The following EGFR variants were observed in gnomAD, a reference collection of about 807,000 sequenced individuals.
EGFR encodes epidermal growth factor receptor.
EGFR carries 58 observed loss-of-function variants against 143.0 expected under a neutral mutation model. The observed-to-expected ratio is 0.41, with a 90% CI of 0.33 to 0.50. The LOEUF is 0.50. Among genes scored for constraint, EGFR ranks in the 20% least tolerant of loss-of-function variants. The probability of loss-of-function intolerance (pLI) is 0.39; values close to 1 mark genes in which losing one functional copy is unlikely to be tolerated. For missense variants in EGFR, 1,307 were observed against 1,579.0 expected, an observed-to-expected ratio of 0.83 and a Z score of 2.92; for synonymous variants, 613 against 594.4, an observed-to-expected ratio of 1.03 and a Z score of -0.45.
intron 1 of EGFR, among the ~76,000 whole-genome samples, chr7:55,073,382 A>G (rs1376971358): frequency 6.6e-6 from 1 of 152,198 alleles, no homozygotes; most frequent in Non-Finnish European, 1.5e-5. Context: ...AATGATTCTC[A>G]GAAGACTTTC....
intron 6 of EGFR, among the ~76,000 whole-genome samples, chr7:55,153,389 G>A (rs1397926503): frequency 6.6e-6 from 1 of 152,224 alleles, no homozygotes; most frequent in East Asian, 1.9e-4. Flanking sequence ...CTGGTGTGAC[G>A]AAGCCCTTCC....
intron 1 of EGFR, among the ~76,000 whole-genome samples, chr7:55,111,678 G>A (rs1029605529): frequency 1.3e-5 from 2 of 152,180 alleles, no homozygotes; most frequent in Non-Finnish European, 2.9e-5. Context: ...ATGAGATGGT[G>A]CACAGGCGAG....
Position 55,205,986 on chromosome 7 carries a change from C to T in EGFR, c.*369C>T. The T allele has an allele frequency of 2.5e-6, 1 of 396,542 alleles. No homozygotes were observed. Among genetic ancestry groups the T allele is most frequent in the Non-Finnish European group, 4.6e-6 (1 of 215,622 alleles). 24.6% of individuals were successfully genotyped at this position (396,542 alleles called of 1,614,324 possible). The stretch of plus-strand genomic sequence containing the variant: ...CGCTATTGATTTTTACTTCAATGGG[C>T]TCTTCCAACAAGGAAGAAGCTTGCT... On this transcript the variant is annotated 3_prime_UTR_variant, in exon 28 of 28. Transcript: ENST00000275493.
intron 1 of EGFR, among the ~76,000 whole-genome samples, chr7:55,113,748 A>G (rs1383419478): frequency 6.6e-6 from 1 of 152,258 alleles, no homozygotes; most frequent in African/African-American, 2.4e-5. Context: ...TAGCTTTGAC[A>G]GAGATTCCAA....
rs1444692842 is a variant in EGFR at position 55,155,865 on chromosome 7, C to T, written c.925C>T (p.Arg309Ter). ...GGTGACAGATCACGGCTCGTGCGTC[C>T]GAGCCTGTGGGGCCGACAGCTATGA... ...YVVTDHGSCV[R>*]ACGADSYEME... Residue 309 changes from arginine (R) to a stop codon, truncating the protein, a stop_gained, in exon 8 of 28, where the codon CGA becomes TGA. Coordinates refer to ENST00000275493, the MANE Select transcript of EGFR (RefSeq NM_005228.5). LOFTEE classifies it high-confidence loss of function. The T allele has an allele frequency of 6.2e-7, 1 of 1,613,642 alleles. No homozygotes were observed. Among genetic ancestry groups the T allele is most frequent in the Non-Finnish European group, 8.5e-7 (1 of 1,179,968 alleles).
chr7:55,026,196 G>A (rs138294689), intron 1 of EGFR, among the ~76,000 whole-genome samples: 9 of 152,248 alleles, frequency 5.9e-5, no homozygotes, highest in East Asian at 1.9e-4. Context: ...AGCTCGTAAC[G>A]AAAGAAATCT....
intron 27 of EGFR, 47 bp from the exon 28 acceptor site, chr7:55,205,209 A>C (rs1212361621): frequency 6.8e-6 from 11 of 1,609,772 alleles, no homozygotes; most frequent in Admixed American, 6.7e-5. Flanking sequence ...CCTGCATGGG[A>C]TGGTGCTTTG....
intron 26 of EGFR, 76 bp downstream of exon 26, chr7:55,201,858 C>T (rs1466262904): frequency 5.2e-6 from 8 of 1,537,804 alleles, no homozygotes; most frequent in Admixed American, 1.7e-5. Context: ...AATGCCTTAA[C>T]CTAAATAATT....
At chr7:55,043,451 T>C (rs1401938340) in intron 1 of EGFR, among the ~76,000 whole-genome samples, 1 of 152,132 alleles carries the variant, frequency 6.6e-6, no homozygotes, top group East Asian at 1.9e-4. Flanking sequence ...CTCTGCCTCC[T>C]AGGTTCAAGC....
chr7:55,193,552 C>T (rs1787493281), intron 22 of EGFR, among the ~76,000 whole-genome samples: 2 of 152,130 alleles, frequency 1.3e-5, no homozygotes, highest in African/African-American at 2.4e-5. Context: ...CTGTGCCAGG[C>T]ATTTTCTGCT....
rs577648478 is a variant in EGFR, at chr7:55,161,495, G to T, written c.1499-4G>T. On this transcript the variant is annotated splice_polypyrimidine_tract_variant and splice_region_variant and intron_variant, in intron 12 of 27. Coordinates refer to ENST00000275493, the MANE Select transcript of EGFR (RefSeq NM_005228.5). Reference sequence around the variant, plus strand: ...GACTGCTGTGACCCACTCTGTCTCCGCAGAGGCCACAGGCCAGGTCTGCCA... The same window carrying T: ...GACTGCTGTGACCCACTCTGTCTCCTCAGAGGCCACAGGCCAGGTCTGCCA... The T allele has an allele frequency of 3.7e-6, 6 of 1,613,380 alleles. No individual in the cohort carries two copies. The highest frequency in any genetic ancestry group is 5.1e-6 in the Non-Finnish European group (6 of 1,179,902).
intron 1 of EGFR, 152 bp from the exon 2 acceptor site, chr7:55,142,134 G>C: frequency 1.2e-6 from 1 of 850,446 alleles, no homozygotes; most frequent in Non-Finnish European, 1.9e-6. Flanking sequence ...AGTAAGCTTT[G>C]CGCCCAGATG....
chr7:55,086,588 C>CG (rs1790775049), intron 1 of EGFR, among the ~76,000 whole-genome samples: 1 of 152,246 alleles, frequency 6.6e-6, no homozygotes, highest in African/African-American at 2.4e-5. Flanking sequence ...CCTGCCCAGG[C>CG]GGGCTACTGT....
intron 1 of EGFR, among the ~76,000 whole-genome samples, chr7:55,128,703 A>G (rs1322389667): frequency 1.3e-5 from 2 of 152,212 alleles, no homozygotes; most frequent in Non-Finnish European, 2.9e-5. Context: ...AATATATTCA[A>G]TCAGAAAATG....
chr7:55,201,420 T>C (rs2128971955), intron 25 of EGFR, 65 bp downstream of exon 25: 1 of 1,608,946 alleles, frequency 6.2e-7, no homozygotes, highest in Non-Finnish European at 8.5e-7. Flanking sequence ...AATTGAATTT[T>C]AGGGAAAATA....
At chr7:55,150,330 C>A (rs1290710682) in intron 4 of EGFR, among the ~76,000 whole-genome samples, 2 of 152,208 alleles carry the variant, frequency 1.3e-5, no homozygotes, top group Admixed American at 1.3e-4. Context: ...CTCACAACGT[C>A]CATCCCCCGC....
At chr7:55,043,675 A>G (rs759244967) in intron 1 of EGFR, among the ~76,000 whole-genome samples, 28 of 152,062 alleles carry the variant, frequency 1.8e-4, no homozygotes, top group Non-Finnish European at 3.7e-4. Context: ...AACATTCTTT[A>G]ATGCATAGGA....
intron 1 of EGFR, among the ~76,000 whole-genome samples, chr7:55,102,135 G>T (rs967421739): frequency 6.6e-6 from 1 of 152,090 alleles, no homozygotes; most frequent in African/African-American, 2.4e-5. Flanking sequence ...CTCCACAGAA[G>T]CCCACTTATG....
chr7:55,019,442 C>T (rs1053145774), intron 1 of EGFR, 77 bp downstream of exon 1: 5 of 959,686 alleles, frequency 5.2e-6, no homozygotes, highest in Non-Finnish European at 6.6e-6. Context: ...AACCGCGCAC[C>T]GGCGCACCGG....
Sources: gnomAD v4.1 joint callset for allele counts (sites outside exome capture counted in the v4.1 genomes callset) on GRCh38, gnomAD v4.1.1 for gene constraint, MANE v1.5 for transcripts, NCBI Gene and HGNC (gene_info 2026-07-23, HGNC 2026-07-21) for gene names.